The following RNGTT variants were observed in gnomAD, a reference collection of about 807,000 sequenced individuals.
RNGTT encodes RNA guanylyltransferase and 5'-phosphatase.
Under a neutral mutation model 79.3 loss-of-function variants are expected in RNGTT, and 33 were observed. The ratio of observed to expected loss-of-function variants is 0.42; its 90% CI spans 0.32 to 0.56. The LOEUF is 0.56. Ranked by LOEUF, RNGTT falls within the 20% of genes least tolerant of loss-of-function variation. The pLI, the probability that RNGTT is intolerant of heterozygous loss-of-function variation, is 0.17. For missense variants in RNGTT, 497 were observed against 739.1 expected (o/e 0.67, Z 3.80); for synonymous variants, 222 against 235.9 (o/e 0.94, Z 0.54).
chr6:88,785,306 G>T, intron 12 of RNGTT, among the ~76,000 whole-genome samples: 1 of 151,550 alleles, frequency 6.6e-6, no homozygotes, highest in Non-Finnish European at 1.5e-5. Flanking sequence ...CCTTTTAGTT[G>T]TACAGATATA....
intron 4 of RNGTT, among the ~76,000 whole-genome samples, chr6:88,921,429 T>C (rs1315335304): frequency 6.6e-6 from 1 of 152,204 alleles, no homozygotes; most frequent in Non-Finnish European, 1.5e-5. Flanking sequence ...TGTGGGCTAA[T>C]GCTGTAGGCT....
chr6:88,887,047 T>TAA (rs754717516), intron 8 of RNGTT, among the ~76,000 whole-genome samples: 1,782 of 83,338 alleles, frequency 0.021, 52 homozygotes, highest in African/African-American at 0.058. Flanking sequence ...ACAATTTCTT[T>TAA]AAAAAAAAAA....
At chr6:88,686,847 G>A (rs918688519) in intron 13 of RNGTT, among the ~76,000 whole-genome samples, 9 of 151,904 alleles carry the variant, frequency 5.9e-5, no homozygotes, top group Admixed American at 5.9e-4. Context: ...ACTCCAAATG[G>A]ATTGGGAATC....
At chr6:88,926,091 T>A (rs1784310701) in intron 4 of RNGTT, among the ~76,000 whole-genome samples, 1 of 152,254 alleles carries the variant, frequency 6.6e-6, no homozygotes, top group Non-Finnish European at 1.5e-5. Context: ...TACTCCAGAA[T>A]TAAATAAATA....
At chr6:88,668,833 G>A (rs573077526) in intron 14 of RNGTT, among the ~76,000 whole-genome samples, 335 of 152,240 alleles carry the variant, frequency 2.2e-3, no homozygotes, top group Non-Finnish European at 3.7e-3. Flanking sequence ...ATAGTAACAA[G>A]CTAGGGATGG....
Position 88,929,178 on chromosome 6 carries a change from T to C in RNGTT, c.264A>G (p.Lys88=), listed in dbSNP as rs773355221. The part of the protein sequence containing the change: ...DIEKEGIKYI[K]LQCKGHGECP... ...ATATAACTTACCCTTTACACTGAAG[T>C]TTTATATATTTGATTCCTTCTTTTT... Residue 88 remains lysine (K), a synonymous_variant, in exon 3 of 16, where the codon AAA becomes AAG. Transcript: ENST00000369485. The C allele has an allele frequency of 1.3e-6, 2 of 1,598,754 alleles. No individual in the cohort carries two copies. Among genetic ancestry groups the C allele is most frequent in the Non-Finnish European group, 1.7e-6 (2 of 1,168,316 alleles).
At chr6:88,818,956 T>C (rs1014011277) in intron 11 of RNGTT, among the ~76,000 whole-genome samples, 3 of 152,196 alleles carry the variant, frequency 2.0e-5, no homozygotes, top group African/African-American at 7.2e-5. Flanking sequence ...TGTTTGCTGA[T>C]AGGTAAAATT....
chr6:88,946,860 G>A (rs1390703465), intron 1 of RNGTT, among the ~76,000 whole-genome samples: 10 of 139,326 alleles, frequency 7.2e-5, no homozygotes, highest in Admixed American at 2.9e-4. Context: ...TGGCCGGGCC[G>A]GTCTCCAGCC....
At chr6:88,713,647 T>C (rs1230557421) in intron 13 of RNGTT, among the ~76,000 whole-genome samples, 1 of 152,232 alleles carries the variant, frequency 6.6e-6, no homozygotes, top group Non-Finnish European at 1.5e-5. Context: ...ATGTTTGTTA[T>C]ATACGTATCA....
intron 1 of RNGTT, 34 bp from the exon 2 acceptor site, chr6:88,941,214 A>C: frequency 7.7e-7 from 1 of 1,306,518 alleles, no homozygotes. Flanking sequence ...ATTTCCATAA[A>C]AGGAAATGTT....
At chr6:88,932,645 G>A (rs188849886) in intron 2 of RNGTT, among the ~76,000 whole-genome samples, 52 of 152,176 alleles carry the variant, frequency 3.4e-4, no homozygotes, top group Admixed American at 1.1e-3. Context: ...AAGAACCTAC[G>A]TTGAAATATT....
At chr6:88,845,528 T>C (rs950072124) in intron 10 of RNGTT, among the ~76,000 whole-genome samples, 1 of 152,218 alleles carries the variant, frequency 6.6e-6, no homozygotes, top group African/African-American at 2.4e-5. Context: ...TACTCTTTTA[T>C]TTTGCAACTG....
At chr6:88,923,374 G>A (rs1003546111) in intron 4 of RNGTT, among the ~76,000 whole-genome samples, 9 of 152,148 alleles carry the variant, frequency 5.9e-5, no homozygotes, top group Non-Finnish European at 1.2e-4. Flanking sequence ...TGAGTCAAGA[G>A]AAACACTTTT....
Position 88,612,565 on chromosome 6 carries a change from G to C in RNGTT, c.*154C>G. 1.3e-6 allele frequency: 1 copy of C among 766,396 alleles called. No individual in the cohort carries two copies. The highest frequency in any genetic ancestry group is 2.2e-6 in the Non-Finnish European group (1 of 464,082). The allele number at this position is 766,396 out of a possible 1,614,324, so 47.5% of individuals were successfully genotyped here. On this transcript the variant is annotated 3_prime_UTR_variant, in exon 16 of 16. Transcript: ENST00000369485. ...GAAACGAATGCATCAAGTATTTACAGGCTGGCTACGATAACTTTCTTTTTT... is the reference window on the plus strand; with the variant it reads ...GAAACGAATGCATCAAGTATTTACACGCTGGCTACGATAACTTTCTTTTTT...
At chr6:88,748,152 G>C (rs1445205374) in intron 13 of RNGTT, among the ~76,000 whole-genome samples, 3 of 151,832 alleles carry the variant, frequency 2.0e-5, no homozygotes, top group Non-Finnish European at 2.9e-5. Flanking sequence ...TATCCAAGAG[G>C]GATTCTCAAA....
intron 13 of RNGTT, among the ~76,000 whole-genome samples, chr6:88,714,732 G>A (rs1371737432): frequency 6.7e-5 from 6 of 89,740 alleles, no homozygotes; most frequent in Non-Finnish European, 9.5e-5. Flanking sequence ...GTGAGCCACC[G>A]CGCCCGGCCT....
At chr6:88,620,336 C>T (rs1460827545) in intron 14 of RNGTT, among the ~76,000 whole-genome samples, 1 of 152,172 alleles carries the variant, frequency 6.6e-6, no homozygotes, top group African/African-American at 2.4e-5. Context: ...ATGAAATTCA[C>T]ACTAAACTAC....
chr6:88,840,117 T>G (rs921777935), intron 11 of RNGTT, among the ~76,000 whole-genome samples: 1 of 152,206 alleles, frequency 6.6e-6, no homozygotes, highest in African/African-American at 2.4e-5. Flanking sequence ...TGATCTATAC[T>G]TCCCTGAAAA....
At chr6:88,770,712 T>C (rs1562243751) in intron 12 of RNGTT, among the ~76,000 whole-genome samples, 1 of 152,218 alleles carries the variant, frequency 6.6e-6, no homozygotes, top group Non-Finnish European at 1.5e-5. Flanking sequence ...ACTGTCAAAC[T>C]GTAACATTTT....
Sources: allele counts gnomAD v4.1 joint callset (sites outside exome capture counted in the v4.1 genomes callset), GRCh38; gene constraint gnomAD v4.1.1; transcripts MANE v1.5; gene names NCBI Gene and HGNC (gene_info 2026-07-23, HGNC 2026-07-21).